Variants in SYNJ1 observed in about 807,000 individuals in gnomAD.
SYNJ1 encodes synaptojanin 1.
A neutral mutation model predicts 168.2 loss-of-function variants in SYNJ1; 78 were observed. The ratio of observed to expected loss-of-function variants is 0.46; its 90% CI spans 0.39 to 0.56. The LOEUF (loss-of-function observed/expected upper bound fraction) is 0.56, where lower values mean the gene tolerates loss of function less well. SYNJ1 is among the 20% of genes least tolerant of loss of function. The pLI is 0.00. For synonymous variants in SYNJ1, 539 were observed against 548.6 expected (o/e 0.98, Z 0.24); for missense variants, 1,303 against 1,597.6 (o/e 0.82, Z 3.14).
intron 19 of SYNJ1, 125 bp from the exon 20 acceptor site, chr21:32,657,245 T>C: frequency 4.5e-6 from 3 of 663,510 alleles, no homozygotes; most frequent in Admixed American, 2.7e-5. Context: ...CCAGAAACAC[T>C]TGGTAATAGG....
At position 32,707,922 on chromosome 21, in the gene SYNJ1, C is replaced by T. The variant is rs145873813; in HGVS notation, c.125-5875G>A. On this transcript the variant is annotated intron_variant, in intron 2 of 32. Transcript: ENST00000674351. Reference sequence around the variant, plus strand: ...ATCCCAGCTACTTGGGAGGCTGAGGCAGGAGAACTGCTTGAGCCTGGGAGG... The same window carrying T: ...ATCCCAGCTACTTGGGAGGCTGAGGTAGGAGAACTGCTTGAGCCTGGGAGG... 2.3e-3 allele frequency among the ~76,000 whole-genome samples: 351 copies of T among 152,262 alleles called. 1 individual carries two copies. Among genetic ancestry groups the T allele is most frequent in the African/African-American group, 7.5e-3 (310 of 41,544 alleles).
intron 29 of SYNJ1, among the ~76,000 whole-genome samples, 193 bp from the exon 30 acceptor site, chr21:32,639,972 T>G (rs540741883): frequency 1.3e-5 from 2 of 152,262 alleles, no homozygotes; most frequent in Non-Finnish European, 2.9e-5. Context: ...TCTGACTATT[T>G]ACTATGTGCC....
At chr21:32,693,380 T>C (rs376135601) in intron 6 of SYNJ1, among the ~76,000 whole-genome samples, 72 of 152,174 alleles carry the variant, frequency 4.7e-4, no homozygotes, top group African/African-American at 1.6e-3. Flanking sequence ...TGCAGAGCAG[T>C]AGAAGTGTTA....
At chr21:32,679,083 C>T (rs2041524402) in intron 11 of SYNJ1, among the ~76,000 whole-genome samples, 1 of 152,062 alleles carries the variant, frequency 6.6e-6, no homozygotes, top group Non-Finnish European at 1.5e-5. Flanking sequence ...TTTAAAATTG[C>T]TTATTACAAA....
At chr21:32,722,481 C>T (rs1297450396) in intron 2 of SYNJ1, among the ~76,000 whole-genome samples, 3 of 151,702 alleles carry the variant, frequency 2.0e-5, no homozygotes, top group African/African-American at 4.8e-5. Context: ...ACCCAGGAGG[C>T]GGAGGTTGCA....
At chr21:32,642,529 A>C (rs2039887631) in intron 27 of SYNJ1, among the ~76,000 whole-genome samples, 1 of 152,244 alleles carries the variant, frequency 6.6e-6, no homozygotes, top group Non-Finnish European at 1.5e-5. Flanking sequence ...TCTGAGCAAC[A>C]GACAGGACTG....
Position 32,645,702 on chromosome 21 carries a change from C to T in SYNJ1, c.3335G>A (p.Arg1112His). ...CGGGCGTGTGGGAGGGGCGACCGGG[C>T]GGGGCGGCGGCGGCCGCTTGGGCTC... is the stretch of plus-strand genomic sequence containing the variant. ...PLEPKRPPPP[R>H]PVAPPTRPAP... The change falls in exon 25 of 33, where the codon CGC (arginine) becomes CAC (histidine). Residue 1112 changes from arginine to histidine, a missense_variant. Around this residue, in one of 2 missense-constraint regions of SYNJ1, gnomAD observed 383 missense variants for 388.8 expected, o/e 0.99. Transcript: ENST00000674351. The T allele has an allele frequency of 6.8e-7, 1 of 1,480,272 alleles. No homozygotes were observed. Among genetic ancestry groups the T allele is most frequent in the Non-Finnish European group, 8.9e-7 (1 of 1,118,346 alleles). The allele number at this position is 1,480,272 out of a possible 1,614,324, so 91.7% of individuals were successfully genotyped here.
Position 32,656,860 on chromosome 21 carries a change from T to C in SYNJ1, c.2622A>G (p.Glu874=), listed in dbSNP as rs755384749. Reference sequence around the variant, plus strand: ...TATAAATGTTTTGCCTCTCTTCAGCTTCAACTTCAAATATATCTATATCAA... The same window carrying C: ...TATAAATGTTTTGCCTCTCTTCAGCCTCAACTTCAAATATATCTATATCAA... The part of the protein sequence containing the change: ...ALIDIDIFEV[E]AEERQNIYKE... The change falls in exon 21 of 33, where the codon GAA becomes GAG. Residue 874 remains glutamate (E), a synonymous_variant. Coordinates refer to ENST00000674351, the MANE Select transcript of SYNJ1 (RefSeq NM_203446.3). The C allele has an allele frequency of 5.0e-6, 8 of 1,614,046 alleles. No individual in the cohort carries two copies. The highest frequency in any genetic ancestry group is 6.8e-6 in the Non-Finnish European group (8 of 1,180,040).
chr21:32,688,192 G>A, intron 7 of SYNJ1, 114 bp downstream of exon 7: 1 of 886,932 alleles, frequency 1.1e-6, no homozygotes, highest in Non-Finnish European at 1.7e-6. Flanking sequence ...ATTAAATTAG[G>A]AGTCAGAGGA....
intron 18 of SYNJ1, 112 bp from the exon 19 acceptor site, chr21:32,657,984 T>C: frequency 1.3e-6 from 1 of 742,650 alleles, no homozygotes; most frequent in Non-Finnish European, 2.2e-6. Context: ...TCAGAAGAAA[T>C]CTGTATGCGT....
At chr21:32,643,567 C>T in intron 26 of SYNJ1, 110 bp from the exon 27 acceptor site, 1 of 1,062,770 alleles carries the variant, frequency 9.4e-7, no homozygotes, top group African/African-American at 1.6e-5. Flanking sequence ...CAAAAAGGCT[C>T]TTTTATTGCT....
At chr21:32,684,708 T>A (rs2041755246) in intron 9 of SYNJ1, among the ~76,000 whole-genome samples, 1 of 152,144 alleles carries the variant, frequency 6.6e-6, no homozygotes, top group South Asian at 2.1e-4. Flanking sequence ...TTTACTGGCA[T>A]CAAGAAATAT....
At chr21:32,645,526 A>G in intron 25 of SYNJ1, 120 bp downstream of exon 25, 1 of 1,300,828 alleles carries the variant, frequency 7.7e-7, no homozygotes, top group Non-Finnish European at 1.0e-6. Context: ...GCTAAGAAAT[A>G]GCAATAATGA....
intron 31 of SYNJ1, among the ~76,000 whole-genome samples, chr21:32,635,865 C>A (rs1441350753): frequency 2.6e-5 from 4 of 151,964 alleles, no homozygotes; most frequent in South Asian, 2.1e-4. Flanking sequence ...AAAATGAAAT[C>A]ATAATCCCTC....
chr21:32,704,641 G>A (rs2042538129), intron 2 of SYNJ1, among the ~76,000 whole-genome samples: 1 of 152,138 alleles, frequency 6.6e-6, no homozygotes, highest in African/African-American at 2.4e-5. Flanking sequence ...ACCCCGGCAT[G>A]GTAAGTTAGA....
At chr21:32,724,489 A>G (rs560185318) in intron 2 of SYNJ1, among the ~76,000 whole-genome samples, 65 of 152,364 alleles carry the variant, frequency 4.3e-4, no homozygotes, top group African/African-American at 1.5e-3. Context: ...CCCTGTCTCA[A>G]AAAACAAACA....
intron 2 of SYNJ1, among the ~76,000 whole-genome samples, chr21:32,702,556 C>T (rs985379752): frequency 3.9e-5 from 6 of 152,054 alleles, no homozygotes; most frequent in Admixed American, 1.3e-4. Context: ...AAAAAAAAAT[C>T]AAATCCTGAA....
intron 17 of SYNJ1, among the ~76,000 whole-genome samples, chr21:32,665,311 T>C (rs1569063457): frequency 6.6e-6 from 1 of 152,142 alleles, no homozygotes; most frequent in African/African-American, 2.4e-5. Flanking sequence ...CTAAATAAGA[T>C]AGCTCCAAAG....
chr21:32,722,209 T>A lies in SYNJ1; in HGVS notation c.124+4563A>T, dbSNP rs2409461. ...TCAAAGAAAAAAAAAAAAAAAAATA[T>A]ATATATATATATATATATATATAAT... On this transcript the variant is annotated intron_variant, in intron 2 of 32. Coordinates refer to ENST00000674351, the MANE Select transcript of SYNJ1 (RefSeq NM_203446.3). Among the ~76,000 whole-genome samples, 566 of 80,664 alleles carry A rather than the reference T, an allele frequency of 7.0e-3. 4 individuals carry two copies. Among genetic ancestry groups the A allele is most frequent in the South Asian group, 0.016 (48 of 2,920 alleles). The allele number at this position is 80,664 out of a possible 152,430, so 52.9% of individuals were successfully genotyped here. A position where few individuals can be genotyped will look rare whatever the true frequency, so the allele number is the denominator to read the frequency against.
Sources: allele counts gnomAD v4.1 joint callset (sites outside exome capture counted in the v4.1 genomes callset), GRCh38; gene constraint gnomAD v4.1.1; regional missense constraint gnomAD v4.1.1; transcripts MANE v1.5; gene names NCBI Gene and HGNC (gene_info 2026-07-23, HGNC 2026-07-21).